XKR4: variants seen among roughly 807,000 people sequenced by gnomAD.
XKR4 encodes XK-related protein 4.
Under a neutral mutation model 53.9 loss-of-function variants are expected in XKR4, and 12 were observed. The observed-to-expected ratio is 0.22, with a 90% CI of 0.14 to 0.36. The LOEUF (loss-of-function observed/expected upper bound fraction) is 0.36. XKR4 is among the 10% of genes least tolerant of loss of function. The pLI, the probability that XKR4 is intolerant of heterozygous loss-of-function variation, is 1.00. For synonymous variants in XKR4, 354 were observed against 362.4 expected, an observed-to-expected ratio of 0.98 and a Z score of 0.26; for missense variants, 799 against 859.5, an observed-to-expected ratio of 0.93 and a Z score of 0.88.
At chr8:55,379,390 C>T (rs1316892145) in intron 2 of XKR4, among the ~76,000 whole-genome samples, 1 of 152,172 alleles carries the variant, frequency 6.6e-6, no homozygotes, top group East Asian at 1.9e-4. Flanking sequence ...GGATACTCAC[C>T]ATACCAATTA....
intron 2 of XKR4, among the ~76,000 whole-genome samples, chr8:55,457,305 G>A (rs1264734685): frequency 6.6e-6 from 1 of 151,992 alleles, no homozygotes; most frequent in Non-Finnish European, 1.5e-5. Flanking sequence ...ACCACGCCCA[G>A]CTAATTTTTT....
intron 1 of XKR4, among the ~76,000 whole-genome samples, chr8:55,223,407 T>G (rs1817911417): frequency 6.6e-6 from 1 of 152,206 alleles, no homozygotes; most frequent in African/African-American, 2.4e-5. Flanking sequence ...CTGTGGAAAC[T>G]TACAAGATAA....
chr8:55,192,981 G>C (rs1430353689), intron 1 of XKR4, among the ~76,000 whole-genome samples: 1 of 152,022 alleles, frequency 6.6e-6, no homozygotes, highest in Non-Finnish European at 1.5e-5. Context: ...CCCACCCCAA[G>C]GGCCTTTTTT....
At chr8:55,225,687 C>T (rs1045626582) in intron 1 of XKR4, among the ~76,000 whole-genome samples, 3 of 152,188 alleles carry the variant, frequency 2.0e-5, no homozygotes, top group Non-Finnish European at 4.4e-5. Context: ...CCCACATGAA[C>T]GTATGCACAT....
intron 2 of XKR4, among the ~76,000 whole-genome samples, chr8:55,447,470 C>T (rs994731282): frequency 3.9e-5 from 6 of 152,146 alleles, no homozygotes; most frequent in African/African-American, 1.4e-4. Flanking sequence ...AAAGGAAAGA[C>T]CCCACATAAT....
At chr8:55,343,486 C>G (rs1236425910) in intron 1 of XKR4, among the ~76,000 whole-genome samples, 3 of 152,176 alleles carry the variant, frequency 2.0e-5, no homozygotes, top group East Asian at 1.9e-4. Flanking sequence ...GCCCATGAAG[C>G]CTTTCGGCAT....
At chr8:55,126,582 A>T (rs1296334104) in intron 1 of XKR4, among the ~76,000 whole-genome samples, 1 of 152,216 alleles carries the variant, frequency 6.6e-6, no homozygotes, top group Non-Finnish European at 1.5e-5. Context: ...GTAGAGGTGG[A>T]ATATGATGGG....
chr8:55,374,942 C>T (rs187663442), intron 2 of XKR4, among the ~76,000 whole-genome samples: 23 of 152,286 alleles, frequency 1.5e-4, no homozygotes, highest in Admixed American at 1.0e-3. Flanking sequence ...CTGTGAAAAG[C>T]TGGTCATGGG....
chr8:55,315,189 T>G (rs1272497269), intron 1 of XKR4, among the ~76,000 whole-genome samples: 3 of 152,128 alleles, frequency 2.0e-5, no homozygotes, highest in Non-Finnish European at 4.4e-5. Flanking sequence ...GCAGGTAGCT[T>G]TAGCACTCAT....
At chr8:55,177,511 A>G (rs568924321) in intron 1 of XKR4, among the ~76,000 whole-genome samples, 20 of 152,308 alleles carry the variant, frequency 1.3e-4, no homozygotes, top group South Asian at 6.2e-4. Context: ...ATCTCTTCAT[A>G]GGGCTGACCC....
intron 1 of XKR4, among the ~76,000 whole-genome samples, chr8:55,270,902 C>A (rs578084832): frequency 6.6e-6 from 1 of 152,190 alleles, no homozygotes; most frequent in South Asian, 2.1e-4. Flanking sequence ...GCCTTAAGAC[C>A]CCTGCCTGCA....
At chr8:55,398,424 T>C (rs563905310) in intron 2 of XKR4, among the ~76,000 whole-genome samples, 2 of 152,372 alleles carry the variant, frequency 1.3e-5, no homozygotes, top group South Asian at 4.1e-4. Context: ...ATTTATGAAT[T>C]TCTACAGCAG....
At chr8:55,452,484 A>C (rs1479997293) in intron 2 of XKR4, 2 of 632,810 alleles carry the variant, frequency 3.2e-6, no homozygotes, top group Non-Finnish European at 5.8e-6. Context: ...TGGCAGGTAG[A>C]TGCGCAGGCC....
intron 2 of XKR4, among the ~76,000 whole-genome samples, chr8:55,428,652 G>A (rs1805054749): frequency 6.6e-6 from 1 of 152,180 alleles, no homozygotes; most frequent in Admixed American, 6.5e-5. Flanking sequence ...GACTGCATGG[G>A]GAGCCTGAAC....
rs1379884017 is a variant in XKR4 at position 55,103,158 on chromosome 8, A to G, written c.670A>G (p.Ile224Val). Reference protein sequence around the residue: ...RQASNASKSNIAAANSGSNSS... With the variant: ...RQASNASKSNVAAANSGSNSS... The stretch of plus-strand genomic sequence containing the variant: ...AGCATCTAACGCCAGCAAGAGCAAC[A>G]TCGCCGCGGCCAACAGCGGCAGCAA... Residue 224 changes from isoleucine (I) to valine (V), a missense_variant, in exon 1 of 3, where the codon ATC becomes GTC. Ile to Val is a conservative substitution (Grantham distance 29). Around this residue, in one of 3 missense-constraint regions of XKR4, gnomAD observed 476 missense variants for 505.4 expected, o/e 0.94. Coordinates refer to ENST00000327381, the MANE Select transcript of XKR4 (RefSeq NM_052898.2). 6.2e-7 allele frequency: 1 copy of G among 1,613,890 alleles called. No homozygotes were observed. The highest frequency in any genetic ancestry group is 1.3e-5 in the African/African-American group (1 of 74,944).
At chr8:55,166,571 A>G (rs143358103) in intron 1 of XKR4, among the ~76,000 whole-genome samples, 167 of 152,344 alleles carry the variant, frequency 1.1e-3, no homozygotes, top group Admixed American at 2.7e-3. Flanking sequence ...ATAGAAAAGC[A>G]CATAGTATGT....
At chr8:55,113,075 GGA>G (rs1816255162) in intron 1 of XKR4, among the ~76,000 whole-genome samples, 1 of 151,960 alleles carries the variant, frequency 6.6e-6, no homozygotes, top group Admixed American at 6.5e-5. Context: ...CTCATCCTAA[GGA>G]AAGCACCAAT....
chr8:55,111,027 G>A (rs551416048), intron 1 of XKR4, among the ~76,000 whole-genome samples: 66 of 152,214 alleles, frequency 4.3e-4, no homozygotes, highest in African/African-American at 1.4e-3. Context: ...TAAAATAGAC[G>A]GAGAGGGTCA....
intron 1 of XKR4, among the ~76,000 whole-genome samples, chr8:55,267,764 C>T (rs1171795665): frequency 6.6e-6 from 1 of 151,916 alleles, no homozygotes; most frequent in East Asian, 1.9e-4. Flanking sequence ...GATAGAAGAT[C>T]CTCTGATTAC....
Sources: allele counts gnomAD v4.1 joint callset (sites outside exome capture counted in the v4.1 genomes callset), GRCh38; gene constraint gnomAD v4.1.1; regional missense constraint gnomAD v4.1.1; transcripts MANE v1.5; gene names NCBI Gene and HGNC (gene_info 2026-07-23, HGNC 2026-07-21).